The following STAB2 variants were observed in gnomAD, a reference collection of about 807,000 sequenced individuals.
STAB2 encodes the protein stabilin 2.
STAB2 carries 288 observed loss-of-function variants against 338.1 expected under a neutral mutation model. The observed-to-expected ratio is 0.85, with a 90% CI of 0.77 to 0.94. STAB2 has a LOEUF of 0.94. STAB2 is among the 40% of genes least tolerant of loss of function. The pLI, the probability that STAB2 is intolerant of heterozygous loss-of-function variation, is 0.00. For synonymous variants in STAB2, 1,202 were observed against 1,193.3 expected, an observed-to-expected ratio of 1.01 and a Z score of -0.15; for missense variants, 3,141 against 3,210.1, an observed-to-expected ratio of 0.98 and a Z score of 0.52.
chr12:103,742,547 T>C lies in STAB2; in HGVS notation c.6024T>C (p.Asp2008=), dbSNP rs771938681. The C allele has an allele frequency of 2.5e-6, 4 of 1,614,026 alleles. No homozygotes were observed. Among genetic ancestry groups the C allele is most frequent in the African/African-American group, 1.3e-5 (1 of 74,908 alleles). The change falls in exon 56 of 69, where the codon GAT becomes GAC. Residue 2008 remains aspartate (D), a synonymous_variant. Transcript: ENST00000388887. ...GCTGGCCGGGGAGATTCGGGCCTGA[T>C]TGTCTGCGTATGTGGCGCCGCTTCT... is the stretch of plus-strand genomic sequence containing the variant. ...EMCWPGRFGP[D]CLPCGCSDHG... is the part of the protein sequence containing the mutation.
intron 58 of STAB2, among the ~76,000 whole-genome samples, chr12:103,746,949 C>CTTTTT (rs370851005): frequency 6.2e-5 from 6 of 96,068 alleles, no homozygotes; most frequent in Admixed American, 1.2e-4. Context: ...GTTTTTCTTT[C>CTTTTT]TTTTTTTTTT....
intron 27 of STAB2, 55 bp downstream of exon 27, chr12:103,685,139 T>C: frequency 1.3e-6 from 2 of 1,512,386 alleles, no homozygotes; most frequent in Non-Finnish European, 1.8e-6. Context: ...AAAAACCTCT[T>C]AGCTAAGATG....
chr12:103,634,910 C>T (rs545768066), intron 6 of STAB2, among the ~76,000 whole-genome samples: 1 of 152,228 alleles, frequency 6.6e-6, no homozygotes, highest in Non-Finnish European at 1.5e-5. Flanking sequence ...ACTCAATATT[C>T]CATCAGAGTG....
chr12:103,675,299 G>A (rs139382858), intron 23 of STAB2, among the ~76,000 whole-genome samples: 88 of 152,178 alleles, frequency 5.8e-4, no homozygotes, highest in African/African-American at 1.9e-3. Context: ...TGAGAGGAGC[G>A]TCTGGAAAGG....
intron 3 of STAB2, among the ~76,000 whole-genome samples, chr12:103,605,884 T>C (rs531247998): frequency 6.6e-6 from 1 of 152,194 alleles, no homozygotes; most frequent in African/African-American, 2.4e-5. Context: ...AGCATATAGT[T>C]AGGGTCTCTT....
chr12:103,643,941 C>T (rs796960094), intron 9 of STAB2, among the ~76,000 whole-genome samples: 5 of 23,416 alleles, frequency 2.1e-4, no homozygotes, highest in African/African-American at 4.7e-4. Context: ...CCAGCCGCCC[C>T]GTCCGGGAGG....
chr12:103,755,787 T>G (rs1312832015), intron 63 of STAB2, 69 bp downstream of exon 63: 2 of 1,477,270 alleles, frequency 1.4e-6, no homozygotes. Context: ...ATTAGAGGGG[T>G]GAGGCCTTAA....
intron 63 of STAB2, chr12:103,757,895 C>T (rs1463215872): frequency 1.1e-5 from 5 of 449,886 alleles, no homozygotes; most frequent in Admixed American, 6.8e-5. Flanking sequence ...TGAGAAGACT[C>T]GAGATTTGAT....
intron 3 of STAB2, among the ~76,000 whole-genome samples, chr12:103,600,467 C>T (rs1193069420): frequency 1.3e-5 from 2 of 152,152 alleles, no homozygotes; most frequent in East Asian, 3.8e-4. Context: ...TCTAGTGCTC[C>T]GGTTTTCCTT....
intron 5 of STAB2, among the ~76,000 whole-genome samples, chr12:103,627,494 G>C (rs1390959031): frequency 6.6e-6 from 1 of 152,204 alleles, no homozygotes; most frequent in Non-Finnish European, 1.5e-5. Flanking sequence ...TGTGTCTCTA[G>C]AGATTTGCTG....
rs1878567759 is a variant in STAB2, at chr12:103,698,241, G to A, written c.3583-855G>A. ...CTCAGCCCCAGCATCATCAAGCAGA[G>A]TGTAGGAGGTGGATTTGGAGCTGAC... is the stretch of plus-strand genomic sequence containing the variant. On this transcript the variant is annotated intron_variant, in intron 33 of 68. Coordinates refer to ENST00000388887, the MANE Select transcript of STAB2 (RefSeq NM_017564.10). Among the ~76,000 whole-genome samples, 3 of 152,194 alleles carry A rather than the reference G, an allele frequency of 2.0e-5. No homozygotes were observed. The South Asian group carries it at 6.2e-4, about 32-fold the overall frequency.
intron 25 of STAB2, among the ~76,000 whole-genome samples, chr12:103,679,297 G>A (rs1876681466): frequency 6.6e-6 from 1 of 152,128 alleles, no homozygotes; most frequent in Non-Finnish European, 1.5e-5. Flanking sequence ...GAACCTGGGA[G>A]GTGGAGGTTG....
chr12:103,658,377 C>T (rs1221766116), intron 15 of STAB2, among the ~76,000 whole-genome samples: 3 of 152,112 alleles, frequency 2.0e-5, no homozygotes, highest in Non-Finnish European at 2.9e-5. Flanking sequence ...GGAGTGAATT[C>T]GAACTGGGCA....
chr12:103,765,480 C>T (rs373473418), intron 68 of STAB2, among the ~76,000 whole-genome samples: 1 of 152,204 alleles, frequency 6.6e-6, no homozygotes, highest in African/African-American at 2.4e-5. Flanking sequence ...CATGAAAAGC[C>T]ATTTCTAGCA....
intron 56 of STAB2, among the ~76,000 whole-genome samples, chr12:103,744,033 G>T (rs553085359): frequency 6.6e-6 from 1 of 152,296 alleles, no homozygotes; most frequent in Admixed American, 6.5e-5. Context: ...ACAGAAGCAG[G>T]GCCCCTTGGA....
chr12:103,659,214 A>G (rs1874417008), intron 15 of STAB2, among the ~76,000 whole-genome samples: 1 of 152,204 alleles, frequency 6.6e-6, no homozygotes, highest in African/African-American at 2.4e-5. Context: ...ATGCCAGGTC[A>G]CTTCTGAAAG....
chr12:103,678,843 T>A (rs549866513), intron 25 of STAB2, among the ~76,000 whole-genome samples: 26 of 152,118 alleles, frequency 1.7e-4, no homozygotes, highest in Non-Finnish European at 2.8e-4. Context: ...ATCTTCCTTA[T>A]TTAAAAATAT....
In STAB2 at chr12:103,755,408, A is replaced by C; in HGVS notation, c.6821A>C (p.Asp2274Ala). ...GGCTCTGGTGTGGTTGGGATAGTGG[A>C]CTATGGACCTAGACCCAACAAGAGT... is the stretch of plus-strand genomic sequence containing the variant. ...NCGSGVVGIV[D>A]YGPRPNKSEM... Residue 2274 changes from aspartate to alanine, a missense_variant, in exon 62 of 69, where the codon GAC becomes GCC. Asp to Ala is a moderately radical substitution (Grantham distance 126). Coordinates refer to ENST00000388887, the MANE Select transcript of STAB2 (RefSeq NM_017564.10). The C allele has an allele frequency of 6.2e-7, 1 of 1,614,116 alleles. No individual in the cohort carries two copies. The highest frequency in any genetic ancestry group is 8.5e-7 in the Non-Finnish European group (1 of 1,180,034).
chr12:103,716,983 G>A (rs1371679023), intron 43 of STAB2, among the ~76,000 whole-genome samples: 1 of 152,208 alleles, frequency 6.6e-6, no homozygotes, highest in African/African-American at 2.4e-5. Context: ...GGGAAAACCT[G>A]CCCGTGTAGC....
Sources: gnomAD v4.1 joint callset for allele counts (sites outside exome capture counted in the v4.1 genomes callset) on GRCh38, gnomAD v4.1.1 for gene constraint, MANE v1.5 for transcripts, NCBI Gene and HGNC (gene_info 2026-07-23, HGNC 2026-07-21) for gene names.